The following VWA3A variants were observed in gnomAD, a reference collection of about 807,000 sequenced individuals.
VWA3A encodes the protein von Willebrand factor A domain containing 3A, also known as von Willebrand factor A domain-containing protein 3A.
A neutral mutation model predicts 160.4 loss-of-function variants in VWA3A; 134 were observed. The ratio of observed to expected loss-of-function variants is 0.84; its 90% CI spans 0.73 to 0.96. The LOEUF (loss-of-function observed/expected upper bound fraction) is 0.96. Among genes scored for constraint, VWA3A ranks in the 40% least tolerant of loss-of-function variants. VWA3A has a pLI of 0.00. For synonymous variants in VWA3A, 476 were observed against 543.4 expected (o/e 0.88, Z 1.72); for missense variants, 1,310 against 1,447.9 (o/e 0.90, Z 1.55).
chr16:22,118,804 T>C, intron 11 of VWA3A, 98 bp from the exon 12 acceptor site: 2 of 1,523,700 alleles, frequency 1.3e-6, no homozygotes, highest in Admixed American at 1.8e-5. Context: ...AGTCTGACCC[T>C]CTGCCTGGGC....
At chr16:22,145,146 T>G (rs1299676511) in intron 26 of VWA3A, among the ~76,000 whole-genome samples, 1 of 152,134 alleles carries the variant, frequency 6.6e-6, no homozygotes, top group African/African-American at 2.4e-5. Flanking sequence ...AGAATGAAAA[T>G]CTGATCATTT....
At chr16:22,110,799 C>G in intron 7 of VWA3A, 89 bp from the exon 8 acceptor site, 1 of 1,269,302 alleles carries the variant, frequency 7.9e-7, no homozygotes, top group Non-Finnish European at 1.1e-6. Context: ...TCACACCCAG[C>G]CCAGAGGGGC....
At chr16:22,097,357 T>C (rs1194109198) in intron 2 of VWA3A, among the ~76,000 whole-genome samples, 1 of 151,394 alleles carries the variant, frequency 6.6e-6, no homozygotes, top group East Asian at 1.9e-4. Context: ...AATCTTCTTA[T>C]AGCCACCTGA....
rs774728423 is a variant in VWA3A at position 22,152,634 on chromosome 16, G to A, written c.3405G>A (p.Lys1135=). The A allele has an allele frequency of 1.1e-5, 17 of 1,601,620 alleles. No homozygotes were observed. Among genetic ancestry groups the A allele is most frequent in the South Asian group, 5.6e-5 (5 of 88,712 alleles). Residue 1135 remains lysine (K), a splice_region_variant and synonymous_variant, in exon 31 of 34, where the codon AAG becomes AAA. Transcript: ENST00000389398. ...SLLTKGFINE[K]DPTLPPFEGD... is the part of the protein sequence containing the mutation. ...TGACCAAAGGCTTCATCAATGAAAA[G>A]GTAGGTTGCAGAGCCACTGAGCATG...
chr16:22,111,551 G>A (rs560610902), intron 8 of VWA3A, among the ~76,000 whole-genome samples: 14 of 151,476 alleles, frequency 9.2e-5, no homozygotes, highest in Non-Finnish European at 1.3e-4. Context: ...GTATGATCTC[G>A]GCTCAATGCA....
chr16:22,110,135 C>G (rs1215539584), intron 7 of VWA3A, among the ~76,000 whole-genome samples: 2 of 152,192 alleles, frequency 1.3e-5, no homozygotes, highest in Non-Finnish European at 2.9e-5. Flanking sequence ...CTCTCTGTGC[C>G]TTACTTACCT....
At chr16:22,132,680 G>A (rs2045969079) in intron 19 of VWA3A, 1 of 567,058 alleles carries the variant, frequency 1.8e-6, no homozygotes, top group Admixed American at 3.0e-5. Flanking sequence ...TCTAGAACAT[G>A]CCTGGTATCA....
At chr16:22,109,762 C>T (rs2045528335) in intron 7 of VWA3A, among the ~76,000 whole-genome samples, 182 bp downstream of exon 7, 1 of 152,220 alleles carries the variant, frequency 6.6e-6, no homozygotes, top group Non-Finnish European at 1.5e-5. Flanking sequence ...AACCCAACCA[C>T]AGAGTCATTT....
Position 22,150,676 on chromosome 16 carries a change from C to G in VWA3A, c.3130-19C>G, listed in dbSNP as rs1034620922. 1 of 1,597,154 alleles carries G rather than the reference C, an allele frequency of 6.3e-7. No homozygotes were observed. The highest frequency in any genetic ancestry group is 8.5e-7 in the Non-Finnish European group (1 of 1,171,542). On this transcript the variant is annotated intron_variant, in intron 29 of 33. Coordinates refer to ENST00000389398, the MANE Select transcript of VWA3A (RefSeq NM_173615.5). ...TGAGCCTCTCCCCTGAGCCTGACAG[C>G]CTTCCTGCGTTCTTTCAGAAAGCTT...
intron 9 of VWA3A, among the ~76,000 whole-genome samples, chr16:22,115,954 GGGA>G: frequency 1.1e-5 from 1 of 90,382 alleles, no homozygotes; most frequent in Non-Finnish European, 2.1e-5. Context: ...GGAGGGGGTG[GGGA>G]GGGAGGGAGG....
chr16:22,153,254 A>C (rs1300475252), intron 31 of VWA3A, among the ~76,000 whole-genome samples: 1 of 152,174 alleles, frequency 6.6e-6, no homozygotes. Flanking sequence ...GCTGAGGCAG[A>C]ATTGCTTAAG....
At position 22,155,279 on chromosome 16, in the gene VWA3A, A is replaced by C. The variant is rs76948987; in HGVS notation, c.3406-288A>C. Among the ~76,000 whole-genome samples, 1,332 of 152,186 alleles carry C rather than the reference A, an allele frequency of 8.8e-3. 21 individuals carry two copies. The highest frequency in any genetic ancestry group is 0.029 in the African/African-American group (1,203 of 41,528). ...AACGGTGTCATTTCTGTTCCACTGGACCAGAGTGGGGCCACTTTCACTCAG... is the reference window on the plus strand; with the variant it reads ...AACGGTGTCATTTCTGTTCCACTGGCCCAGAGTGGGGCCACTTTCACTCAG... On this transcript the variant is annotated intron_variant, in intron 31 of 33. Transcript: ENST00000389398.
At chr16:22,112,737 T>TAAA (rs142281845) in intron 8 of VWA3A, among the ~76,000 whole-genome samples, 12 of 148,530 alleles carry the variant, frequency 8.1e-5, no homozygotes, top group African/African-American at 2.7e-4. Context: ...AGTAAAAAGT[T>TAAA]AAAAAAAAAA....
At chr16:22,125,472 A>G (rs777992024) in intron 16 of VWA3A, among the ~76,000 whole-genome samples, 5 of 151,878 alleles carry the variant, frequency 3.3e-5, no homozygotes, top group African/African-American at 4.8e-5. Flanking sequence ...CACCCAGGCT[A>G]GAGTGCAGTG....
At chr16:22,108,141 T>C (rs1042842180) in intron 6 of VWA3A, among the ~76,000 whole-genome samples, 6 of 152,144 alleles carry the variant, frequency 3.9e-5, no homozygotes, top group Non-Finnish European at 7.3e-5. Context: ...AGAACCTAAC[T>C]TGAATGGGTC....
At chr16:22,096,103 G>T (rs78772535) in intron 1 of VWA3A, among the ~76,000 whole-genome samples, 184 of 152,216 alleles carry the variant, frequency 1.2e-3, no homozygotes, top group African/African-American at 4.3e-3. Context: ...GGATGCTACT[G>T]ATATCTAATA....
chr16:22,123,051 G>T, intron 14 of VWA3A, 34 bp from the exon 15 acceptor site: 1 of 1,556,574 alleles, frequency 6.4e-7, no homozygotes, highest in Middle Eastern at 1.7e-4. Flanking sequence ...ACTTCTGTTC[G>T]CCTGCTCACC....
intron 22 of VWA3A, among the ~76,000 whole-genome samples, chr16:22,139,800 A>G (rs906205853): frequency 1.3e-5 from 2 of 152,166 alleles, no homozygotes; most frequent in Admixed American, 1.3e-4. Flanking sequence ...CCAGTCCATT[A>G]GGAAGAGGGG....
chr16:22,131,366 G>A (rs2045945279), intron 18 of VWA3A, 87 bp downstream of exon 18: 1 of 1,517,004 alleles, frequency 6.6e-7, no homozygotes, highest in Non-Finnish European at 9.0e-7. Context: ...CCACCAAGAA[G>A]TAGCTCTCTA....
Sources: gnomAD v4.1 joint callset for allele counts (sites outside exome capture counted in the v4.1 genomes callset) on GRCh38, gnomAD v4.1.1 for gene constraint, MANE v1.5 for transcripts, NCBI Gene and HGNC (gene_info 2026-07-23, HGNC 2026-07-21) for gene names.